The following RARB variants were observed in gnomAD, a reference collection of about 807,000 sequenced individuals.
The protein encoded by RARB is retinoic acid receptor beta, also known as HBV-activated protein.
A neutral mutation model predicts 51.9 loss-of-function variants in RARB; 17 were observed. That is an observed-to-expected ratio of 0.33 (90% CI 0.22 to 0.49). The LOEUF (loss-of-function observed/expected upper bound fraction) is 0.49. Ranked by LOEUF, RARB falls within the 20% of genes least tolerant of loss-of-function variation. RARB has a pLI of 0.99. For missense variants in RARB, 369 were observed against 550.8 expected, an observed-to-expected ratio of 0.67 and a Z score of 3.30; for synonymous variants, 215 against 195.4, an observed-to-expected ratio of 1.10 and a Z score of -0.84.
At position 25,367,772 on chromosome 3, in the gene RARB, C is replaced by A. The variant is rs934808296; in HGVS notation, c.179-93421C>A. Reference sequence around the variant, plus strand: ...ACCCAGAAGATCGCACCCCTGCACTCCAGCCTGGGTGACAAAGTGAGACCC... The same window carrying A: ...ACCCAGAAGATCGCACCCCTGCACTACAGCCTGGGTGACAAAGTGAGACCC... On this transcript the variant is annotated intron_variant, in intron 5 of 11. Coordinates refer to the RARB transcript ENST00000383772. 2.0e-5 allele frequency among the ~76,000 whole-genome samples: 3 copies of A among 148,774 alleles called. No individual in the cohort carries two copies. The South Asian group carries it at 6.3e-4, about 31-fold the overall frequency.
intron 2 of RARB, among the ~76,000 whole-genome samples, chr3:24,860,308 C>G (rs1168353923): frequency 2.0e-5 from 3 of 152,152 alleles, no homozygotes; most frequent in Non-Finnish European, 4.4e-5. Flanking sequence ...GCCTTCCCAG[C>G]CAGTAACCTC....
At chr3:25,423,938 G>C (rs984044524), upstream of RARB, among the ~76,000 whole-genome samples, 3 of 152,186 alleles carry the variant, frequency 2.0e-5, no homozygotes, top group African/African-American at 7.2e-5. Flanking sequence ...GAAACTGTTG[G>C]GCTTGAAGAG....
rs190758836 is a variant in RARB, at chr3:25,407,676, A to T, written c.179-53517A>T. On this transcript the variant is annotated intron_variant, in intron 5 of 11. Coordinates refer to the RARB transcript ENST00000383772. Reference sequence around the variant, plus strand: ...ACACAGAATTGCAGATAACTGTCAGAGTCCCATTCATATCCTTTTACCCTC... The same window carrying T: ...ACACAGAATTGCAGATAACTGTCAGTGTCCCATTCATATCCTTTTACCCTC... Among the ~76,000 whole-genome samples the T allele has an allele frequency of 2.4e-3, 363 of 152,118 alleles. 2 individuals carry two copies. Among genetic ancestry groups the T allele is most frequent in the African/African-American group, 7.1e-3 (293 of 41,480 alleles).
chr3:25,052,041 G>A (rs1698343479), intron 2 of RARB, among the ~76,000 whole-genome samples: 2 of 152,128 alleles, frequency 1.3e-5, no homozygotes, highest in Non-Finnish European at 2.9e-5. Context: ...GGCTAATGGA[G>A]GCTCCATCTC....
chr3:25,429,044 C>G (rs897860198), intron 1 of RARB, among the ~76,000 whole-genome samples, 156 bp downstream of exon 1: 1 of 152,100 alleles, frequency 6.6e-6, no homozygotes. Flanking sequence ...CATATTGATT[C>G]CCTTTGCTGA....
chr3:24,951,486 A>G lies in RARB; in HGVS notation c.-380+92734A>G, dbSNP rs558001139. Among the ~76,000 whole-genome samples the G allele has an allele frequency of 5.9e-5, 9 of 152,326 alleles. No homozygotes were observed. In the East Asian group the frequency reaches 1.7e-3, roughly 29 times the overall value. ...GATGTGCTTAGGATCTGTGAGAATT[A>G]CATGACTAGCTAAACGCTTGCTGAG... On this transcript the variant is annotated intron_variant, in intron 2 of 11. Transcript: ENST00000383772.
At chr3:25,225,510 C>A (rs893804377) in intron 5 of RARB, among the ~76,000 whole-genome samples, 2 of 152,266 alleles carry the variant, frequency 1.3e-5, no homozygotes, top group East Asian at 3.9e-4. Flanking sequence ...AACTCAGCAT[C>A]ATTGTAAGAC....
At chr3:25,458,172 A>G (rs1296311895) in intron 1 of RARB, 2 of 152,232 alleles carry the variant, frequency 1.3e-5, no homozygotes, top group African/African-American at 2.4e-5. Context: ...GGAAATAAAG[A>G]TGTGGTGAGA....
At chr3:24,982,542 G>A (rs1376633442) in intron 2 of RARB, among the ~76,000 whole-genome samples, 1 of 152,204 alleles carries the variant, frequency 6.6e-6, no homozygotes, top group Non-Finnish European at 1.5e-5. Flanking sequence ...TCCTAAGTGG[G>A]AAGCTGGGTC....
At chr3:25,097,170 A>T (rs145925400) in intron 3 of RARB, among the ~76,000 whole-genome samples, 2 of 152,314 alleles carry the variant, frequency 1.3e-5, no homozygotes, top group East Asian at 3.9e-4. Context: ...TGTGCCATGA[A>T]TGAAAGAACC....
At chr3:25,447,506 T>G (rs9822134) in intron 1 of RARB, among the ~76,000 whole-genome samples, 10,128 of 152,224 alleles carry the variant, frequency 0.067, 509 homozygotes, top group African/African-American at 0.14. Flanking sequence ...GCTCAATAAA[T>G]GTTTGTCAGC....
At chr3:25,272,510 T>C (rs1295981931) in intron 5 of RARB, among the ~76,000 whole-genome samples, 4 of 152,226 alleles carry the variant, frequency 2.6e-5, no homozygotes, top group Non-Finnish European at 5.9e-5. Context: ...CGTTCCTACA[T>C]CACTCAGGTA....
Position 25,241,846 on chromosome 3 carries a change from C to CTATCTAG in RARB, c.178+67271_178+67272insTATCTAG, listed in dbSNP as rs1281949223. On this transcript the variant is annotated intron_variant, in intron 5 of 11. Coordinates refer to the RARB transcript ENST00000383772. The stretch of plus-strand genomic sequence containing the variant: ...ATACCCAGTAATGGGATTGCTAGGT[C>CTATCTAG]AAATGGTATTTCTAGTTCTAGATCC... 2.0e-5 allele frequency among the ~76,000 whole-genome samples: 3 copies of CTATCTAG among 152,312 alleles called. No homozygotes were observed. In the East Asian group the frequency reaches 5.8e-4, roughly 29 times the overall value.
chr3:24,976,169 T>A (rs550741205), intron 2 of RARB, among the ~76,000 whole-genome samples: 4 of 152,200 alleles, frequency 2.6e-5, no homozygotes, highest in Non-Finnish European at 5.9e-5. Flanking sequence ...TAGTCTATTA[T>A]TGATGGACAT....
intron 1 of RARB, among the ~76,000 whole-genome samples, chr3:25,448,668 T>G (rs570236900): frequency 6.6e-6 from 1 of 152,268 alleles, no homozygotes; most frequent in African/African-American, 2.4e-5. Context: ...GGTTTCTTCA[T>G]GTTGGTCAGG....
At chr3:25,583,451 C>T (rs1245743123) in intron 5 of RARB, among the ~76,000 whole-genome samples, 3 of 152,224 alleles carry the variant, frequency 2.0e-5, no homozygotes, top group Non-Finnish European at 4.4e-5. Context: ...CTGTTCAGAG[C>T]CACGTGTCTC....
intron 2 of RARB, among the ~76,000 whole-genome samples, chr3:25,023,184 GAGCCTGATGTTACCAT>G (rs1259260561): frequency 1.3e-5 from 2 of 152,092 alleles, no homozygotes; most frequent in African/African-American, 4.8e-5. Flanking sequence ...CCTAATTTAA[GAGCCTGATGTTACCAT>G]AACCTTGGGA....
At position 25,146,046 on chromosome 3, in the gene RARB, A is replaced by G. The variant is rs545342021; in HGVS notation, c.-280+13838A>G. On this transcript the variant is annotated intron_variant, in intron 4 of 11. Coordinates refer to the RARB transcript ENST00000383772. Reference sequence around the variant, plus strand: ...GCCTAAGAGACATACTGATTCAAACATGTATGTGAGTCCTAGAGTCAGGCA... The same window carrying G: ...GCCTAAGAGACATACTGATTCAAACGTGTATGTGAGTCCTAGAGTCAGGCA... Among the ~76,000 whole-genome samples the G allele has an allele frequency of 1.3e-3, 204 of 152,096 alleles. 1 individual carries two copies. Among genetic ancestry groups the G allele is most frequent in the South Asian group, 5.8e-3 (28 of 4,824 alleles).
intron 3 of RARB, among the ~76,000 whole-genome samples, chr3:25,544,876 G>C (rs192625829): frequency 6.6e-6 from 1 of 152,212 alleles, no homozygotes; most frequent in Non-Finnish European, 1.5e-5. Context: ...GTTGCACTAA[G>C]TTCACTTGAG....
Sources: gnomAD v4.1 joint callset for allele counts (sites outside exome capture counted in the v4.1 genomes callset) on GRCh38, gnomAD v4.1.1 for gene constraint, MANE v1.5 for transcripts, NCBI Gene and HGNC (gene_info 2026-07-23, HGNC 2026-07-21) for gene names.